GABRB2: variants seen among roughly 807,000 people sequenced by gnomAD.
The protein encoded by GABRB2 is gamma-aminobutyric acid receptor subunit beta-2.
Under a neutral mutation model 54.7 loss-of-function variants are expected in GABRB2, and 16 were observed. The ratio of observed to expected loss-of-function variants is 0.29; its 90% CI spans 0.20 to 0.44. The LOEUF (loss-of-function observed/expected upper bound fraction) is 0.44. Ranked by LOEUF, GABRB2 falls within the 20% of genes least tolerant of loss-of-function variation. GABRB2 has a pLI of 1.00. For missense variants in GABRB2, 355 were observed against 644.0 expected (o/e 0.55, Z 4.86); for synonymous variants, 244 against 233.8 (o/e 1.04, Z -0.40).
intron 4 of GABRB2, among the ~76,000 whole-genome samples, chr5:161,415,389 G>A (rs916111796): frequency 2.6e-5 from 4 of 152,116 alleles, no homozygotes; most frequent in Non-Finnish European, 4.4e-5. Flanking sequence ...TAGCCATTGG[G>A]AAATATTATC....
chr5:161,430,554 G>T (rs1297420469), intron 4 of GABRB2, among the ~76,000 whole-genome samples: 1 of 152,076 alleles, frequency 6.6e-6, no homozygotes, highest in Non-Finnish European at 1.5e-5. Flanking sequence ...TCTTTAAAAT[G>T]GAAATAATGA....
At chr5:161,335,480 A>G (rs1381513184) in intron 6 of GABRB2, among the ~76,000 whole-genome samples, 1 of 152,118 alleles carries the variant, frequency 6.6e-6, no homozygotes, top group Non-Finnish European at 1.5e-5. Flanking sequence ...GCATTTGAGC[A>G]ATATTTGTGG....
chr5:161,473,305 T>C (rs1333083803), intron 3 of GABRB2, among the ~76,000 whole-genome samples: 3 of 152,022 alleles, frequency 2.0e-5, no homozygotes, highest in Admixed American at 2.0e-4. Flanking sequence ...AATACAATGA[T>C]AGCCATTTAT....
chr5:161,292,955 T>C lies in GABRB2; in HGVS notation c.*1126A>G, dbSNP rs946070346. The C allele has an allele frequency of 1.3e-5, 2 of 152,164 alleles. No individual in the cohort carries two copies. Among genetic ancestry groups the C allele is most frequent in the African/African-American group, 2.4e-5 (1 of 41,418 alleles). The allele number at this position is 152,164 out of a possible 1,614,324, so 9.4% of individuals were successfully genotyped here. ...CTTTAAAGTGATGAACAAATCCTTC[T>C]CTTGAAATACTCTATTAAATTAAGA... On this transcript the variant is annotated 3_prime_UTR_variant, in exon 10 of 10. Coordinates refer to ENST00000393959, the MANE Select transcript of GABRB2 (RefSeq NM_001371727.1).
chr5:161,515,388 T>A (rs1759906579), intron 3 of GABRB2, among the ~76,000 whole-genome samples: 1 of 152,124 alleles, frequency 6.6e-6, no homozygotes, highest in Non-Finnish European at 1.5e-5. Flanking sequence ...AAAACAGATC[T>A]TTTTATTTTG....
At chr5:161,468,213 G>A (rs1166961785) in intron 3 of GABRB2, among the ~76,000 whole-genome samples, 1 of 152,010 alleles carries the variant, frequency 6.6e-6, no homozygotes, top group Non-Finnish European at 1.5e-5. Flanking sequence ...GCTTAAGATG[G>A]TCTAAAAGCA....
rs551233688 is a variant in GABRB2, at chr5:161,438,471, C to T, written c.458+21153G>A. 5.3e-4 allele frequency among the ~76,000 whole-genome samples: 80 copies of T among 152,246 alleles called. 1 individual carries two copies. The highest frequency in any genetic ancestry group is 1.9e-3 in the African/African-American group (77 of 41,558). ...ACTGAAGACCAGAATACACAGCTAA[C>T]TCCTAAATGTCCACATGCCAAAGAA... On this transcript the variant is annotated intron_variant, in intron 4 of 9. Transcript: ENST00000393959.
intron 4 of GABRB2, among the ~76,000 whole-genome samples, chr5:161,441,982 G>T (rs1316757051): frequency 6.6e-6 from 1 of 152,154 alleles, no homozygotes; most frequent in Non-Finnish European, 1.5e-5. Context: ...ACTGGGGTGG[G>T]AGGAGGGAGA....
rs1268860900 is a variant in GABRB2, at chr5:161,489,690, T to G, written c.238-29846A>C. ...GTCTTTTTCTGCACAGCAAGTTAAATGAACTGCATTGAGGGAATATTTAGT... is the reference window on the plus strand; with the variant it reads ...GTCTTTTTCTGCACAGCAAGTTAAAGGAACTGCATTGAGGGAATATTTAGT... On this transcript the variant is annotated intron_variant, in intron 3 of 9. Coordinates refer to ENST00000393959, the MANE Select transcript of GABRB2 (RefSeq NM_001371727.1). Among the ~76,000 whole-genome samples the G allele has an allele frequency of 1.1e-4, 17 of 151,776 alleles. No homozygotes were observed. In the East Asian group the frequency reaches 3.3e-3, roughly 30 times the overall value.
intron 3 of GABRB2, among the ~76,000 whole-genome samples, chr5:161,518,476 C>T (rs1760017968): frequency 6.6e-6 from 1 of 152,184 alleles, no homozygotes. Flanking sequence ...TTCTGAATGT[C>T]CTTGACTTTT....
chr5:161,503,842 A>G (rs527816840), intron 3 of GABRB2, among the ~76,000 whole-genome samples: 14 of 152,302 alleles, frequency 9.2e-5, no homozygotes, highest in African/African-American at 2.9e-4. Context: ...ATATAATGAT[A>G]CACACAGGTA....
intron 5 of GABRB2, among the ~76,000 whole-genome samples, chr5:161,398,660 TTGTTTGTCTGTTTTTTTTG>T (rs1756078455): frequency 7.1e-6 from 1 of 141,770 alleles, no homozygotes; most frequent in Non-Finnish European, 1.5e-5. Context: ...GTTTTTTTGT[TTGTTTGTCTGTTTTTTTTG>T]TTGTTGTTGT....
intron 4 of GABRB2, among the ~76,000 whole-genome samples, chr5:161,430,741 G>A (rs116668931): frequency 0.013 from 2,031 of 152,220 alleles, 43 homozygotes; most frequent in African/African-American, 0.046. Flanking sequence ...GAGTACTTAT[G>A]TTCAAGCGCC....
At chr5:161,467,802 A>T (rs535927699) in intron 3 of GABRB2, among the ~76,000 whole-genome samples, 1 of 152,238 alleles carries the variant, frequency 6.6e-6, no homozygotes, top group Non-Finnish European at 1.5e-5. Context: ...GTACATTCTC[A>T]ACATCATAGG....
chr5:161,384,897 G>GT (rs769578118), intron 5 of GABRB2, among the ~76,000 whole-genome samples: 4 of 152,138 alleles, frequency 2.6e-5, no homozygotes, highest in Non-Finnish European at 5.9e-5. Flanking sequence ...TAGAAATGAT[G>GT]TAAGAATGAG....
At position 161,487,949 on chromosome 5, in the gene GABRB2, G is replaced by GATCCAGATCATCCCAGATGA. The variant is rs1379723334; in HGVS notation, c.238-28106_238-28105insTCATCTGGGATGATCTGGAT. Among the ~76,000 whole-genome samples the GATCCAGATCATCCCAGATGA allele has an allele frequency of 1.7e-3, 262 of 151,968 alleles. 1 individual carries two copies. The highest frequency in any genetic ancestry group is 6.0e-3 in the African/African-American group (250 of 41,526). On this transcript the variant is annotated intron_variant, in intron 3 of 9. Coordinates refer to ENST00000393959, the MANE Select transcript of GABRB2 (RefSeq NM_001371727.1). ...ATTGACTGATCCCAGATGATCCAGT[G>GATCCAGATCATCCCAGATGA]TCATAGGCTAAACATCCCTTAAGAA...
At chr5:161,353,631 G>C (rs1754534272) in intron 5 of GABRB2, among the ~76,000 whole-genome samples, 1 of 151,992 alleles carries the variant, frequency 6.6e-6, no homozygotes, top group Non-Finnish European at 1.5e-5. Context: ...GCTTGTCTAA[G>C]ACAAGTTGCC....
At chr5:161,372,212 T>C (rs914043986) in intron 5 of GABRB2, among the ~76,000 whole-genome samples, 3 of 152,194 alleles carry the variant, frequency 2.0e-5, no homozygotes, top group African/African-American at 7.2e-5. Flanking sequence ...CCTCATTTTA[T>C]ATAATTGAAC....
At chr5:161,457,857 G>T (rs1332546272) in intron 4 of GABRB2, among the ~76,000 whole-genome samples, 2 of 152,116 alleles carry the variant, frequency 1.3e-5, no homozygotes, top group East Asian at 3.9e-4. Flanking sequence ...TTACAGTGTA[G>T]GTGCTTAGTC....
Sources: allele counts gnomAD v4.1 joint callset (sites outside exome capture counted in the v4.1 genomes callset), GRCh38; gene constraint gnomAD v4.1.1; transcripts MANE v1.5; gene names NCBI Gene and HGNC (gene_info 2026-07-23, HGNC 2026-07-21).